Variants in BAIAP2 observed in about 807,000 individuals in gnomAD.
BAIAP2 encodes the protein BAR/IMD domain-containing adapter protein 2.
In BAIAP2, 18 loss-of-function variants were observed where a neutral mutation model predicts 63.0. The observed-to-expected ratio is 0.29, with a 90% CI of 0.20 to 0.42. BAIAP2 has a LOEUF of 0.42. Ranked by LOEUF, BAIAP2 falls within the 10% of genes least tolerant of loss-of-function variation. BAIAP2 has a pLI of 1.00. For missense variants in BAIAP2, 610 were observed against 734.3 expected (o/e 0.83, Z 1.96); for synonymous variants, 386 against 307.6 (o/e 1.25, Z -2.67).
intron 13 of BAIAP2, chr17:81,111,072 C>A: frequency 7.7e-7 from 1 of 1,304,596 alleles, no homozygotes; most frequent in Non-Finnish European, 1.1e-6. Flanking sequence ...ATGGCGGGGC[C>A]AGGGGTCCAC....
chr17:81,043,885 G>T (rs113843736), intron 1 of BAIAP2, among the ~76,000 whole-genome samples: 1 of 152,246 alleles, frequency 6.6e-6, no homozygotes, highest in Non-Finnish European at 1.5e-5. Flanking sequence ...CGTTCTCGCC[G>T]CGGGGTCTCT....
Position 81,035,152 on chromosome 17 carries a change from T to C in BAIAP2, c.-103T>C. 2.2e-6 allele frequency: 2 copies of C among 917,130 alleles called. No individual in the cohort carries two copies. The highest frequency in any genetic ancestry group is 4.6e-5 in the South Asian group (2 of 43,292). 56.8% of individuals were successfully genotyped at this position (917,130 alleles called of 1,614,324 possible). A position where few individuals can be genotyped will look rare whatever the true frequency, so the allele number is the denominator to read the frequency against. On this transcript the variant is annotated 5_prime_UTR_variant, in exon 1 of 14. Coordinates refer to ENST00000428708, the MANE Select transcript of BAIAP2 (RefSeq NM_001144888.2). ...GGCCGCCGCCGGACGCCGGGCTCTG[T>C]GGTTCGGGTCCGCTTTCGTCTCCGT...
intron 1 of BAIAP2, among the ~76,000 whole-genome samples, chr17:81,047,416 T>C (rs926168540): frequency 3.3e-4 from 50 of 152,236 alleles, no homozygotes; most frequent in African/African-American, 1.2e-3. Flanking sequence ...GCATCGACTC[T>C]TTCTCTGTTT....
chr17:81,040,404 C>T (rs1380542186), intron 1 of BAIAP2, among the ~76,000 whole-genome samples: 5 of 152,232 alleles, frequency 3.3e-5, no homozygotes, highest in Non-Finnish European at 7.3e-5. Flanking sequence ...TTCCACCTCC[C>T]CCGAGCGCTG....
rs768770966 is a variant in BAIAP2, at chr17:81,103,570, G to A, written c.711G>A (p.Pro237=). 2.8e-5 allele frequency: 45 copies of A among 1,602,144 alleles called. No individual in the cohort carries two copies. The highest frequency in any genetic ancestry group is 1.6e-4 in the Middle Eastern group (1 of 6,074). Residue 237 remains proline (P), a synonymous_variant, in exon 8 of 14, where the codon CCG becomes CCA. Transcript: ENST00000428708. ...QQACADPSKI[P]ERAVQLMQQV... is the part of the protein sequence containing the mutation. ...CCTGTGCCGACCCCAGCAAGATCCC[G>A]GAGCGCGCGGTGCAGCTCATGCAGC...
rs150093131 is a variant in BAIAP2 at position 81,061,665 on chromosome 17, C to G, written c.217+3698C>G. ...GGAGGTGCCACAGTTTGGCCGTACC[C>G]TCATCTGTTGATGGACACCTGGGTG... On this transcript the variant is annotated intron_variant, in intron 3 of 13. Coordinates refer to ENST00000428708, the MANE Select transcript of BAIAP2 (RefSeq NM_001144888.2). Among the ~76,000 whole-genome samples the G allele has an allele frequency of 4.3e-3, 655 of 152,312 alleles. 2 individuals carry two copies. The highest frequency in any genetic ancestry group is 6.8e-3 in the Middle Eastern group (2 of 294).
At chr17:81,110,845 C>T (rs1444653612) in intron 13 of BAIAP2, 6 of 1,597,082 alleles carry the variant, frequency 3.8e-6, no homozygotes, top group East Asian at 2.2e-5. Context: ...CCCGTGGTCC[C>T]CCCTCCTCTG....
intron 1 of BAIAP2, among the ~76,000 whole-genome samples, chr17:81,037,849 T>G (rs1196818285): frequency 6.6e-6 from 1 of 152,248 alleles, no homozygotes; most frequent in Non-Finnish European, 1.5e-5. Flanking sequence ...TTGGCCTTGG[T>G]GATTAAAAAT....
At position 81,082,376 on chromosome 17, in the gene BAIAP2, C is replaced by T. The variant is rs2054786741; in HGVS notation, c.218-2456C>T. On this transcript the variant is annotated intron_variant, in intron 3 of 13. Transcript: ENST00000428708. ...GTGCTGCTTTCCTCACGCTGAATCC[C>T]TCTTCACGGTGGCCAGGCCCAGGCA... 2.0e-5 allele frequency among the ~76,000 whole-genome samples: 3 copies of T among 152,338 alleles called. No homozygotes were observed. The South Asian group carries it at 6.2e-4, about 32-fold the overall frequency.
At chr17:81,048,821 C>T (rs1239617004) in intron 1 of BAIAP2, among the ~76,000 whole-genome samples, 6 of 152,158 alleles carry the variant, frequency 3.9e-5, no homozygotes, top group East Asian at 1.9e-4. Context: ...GGACATCCGT[C>T]TCTGTGGACG....
chr17:81,036,408 T>C (rs546071640), intron 1 of BAIAP2, among the ~76,000 whole-genome samples: 143 of 152,218 alleles, frequency 9.4e-4, no homozygotes, highest in Admixed American at 1.5e-3. Flanking sequence ...CCCGGCAGAG[T>C]AACTGTTTCT....
intron 7 of BAIAP2, among the ~76,000 whole-genome samples, chr17:81,103,179 C>T (rs1016575282): frequency 5.9e-5 from 9 of 152,192 alleles, no homozygotes; most frequent in South Asian, 2.1e-4. Flanking sequence ...GTTTGCCCAC[C>T]GGAGTTTGAC....
chr17:81,104,377 G>A lies in BAIAP2; in HGVS notation c.1067-137G>A, dbSNP rs2058874296. ...AGCCACTTGGGAGCAGGTAGCTGCT[G>A]CTGCGGAGAGCTTAGCCAGCCCACT... On this transcript the variant is annotated intron_variant, in intron 9 of 13. Transcript: ENST00000428708. 6.1e-6 allele frequency: 6 copies of A among 986,184 alleles called. No homozygotes were observed. In the Admixed American group the frequency reaches 1.4e-4, roughly 23 times the overall value. 61.1% of individuals were successfully genotyped at this position (986,184 alleles called of 1,614,324 possible). A position where few individuals can be genotyped will look rare whatever the true frequency, so the allele number is the denominator to read the frequency against.
intron 3 of BAIAP2, among the ~76,000 whole-genome samples, chr17:81,081,818 C>T (rs996151000): frequency 1.4e-4 from 21 of 152,192 alleles, no homozygotes; most frequent in African/African-American, 5.1e-4. Context: ...CCCTCCTGAC[C>T]GCAGTGCAGC....
chr17:81,069,737 G>A (rs1568110489), intron 3 of BAIAP2, among the ~76,000 whole-genome samples: 1 of 152,182 alleles, frequency 6.6e-6, no homozygotes, highest in Non-Finnish European at 1.5e-5. Context: ...GCTCAGTCTG[G>A]CCAGTACGTT....
Position 81,057,972 on chromosome 17 carries a change from G to GGGGGGGGGGGC in BAIAP2, c.217+5_217+6insGGGGGGGGGGC. 1.1e-6 allele frequency: 1 copy of GGGGGGGGGGGC among 911,328 alleles called. No individual in the cohort carries two copies. The highest frequency in any genetic ancestry group is 3.4e-5 in the Admixed American group (1 of 29,586). The allele number at this position is 911,328 out of a possible 1,614,324, so 56.5% of individuals were successfully genotyped here. On this transcript the variant is annotated splice_donor_region_variant and intron_variant, in intron 3 of 13. Transcript: ENST00000428708. Reference sequence around the variant, plus strand: ...GCCAGGGCTCCAAAGAACTCGGTGAGACCCCCCCCCCCCCCCCGCCTGGTA... The same window carrying GGGGGGGGGGGC: ...GCCAGGGCTCCAAAGAACTCGGTGAGGGGGGGGGGGCACCCCCCCCCCCCCCCCGCCTGGTA...
intron 3 of BAIAP2, among the ~76,000 whole-genome samples, chr17:81,062,426 G>A (rs913099102): frequency 2.0e-5 from 3 of 151,936 alleles, no homozygotes; most frequent in Non-Finnish European, 4.4e-5. Flanking sequence ...ATGGTCTCGC[G>A]TCTTGGTTCG....
chr17:81,112,568 G>A (rs1019905551), intron 13 of BAIAP2, among the ~76,000 whole-genome samples: 28 of 152,338 alleles, frequency 1.8e-4, no homozygotes, highest in African/African-American at 5.3e-4. Flanking sequence ...AGGCCCAAGC[G>A]CCCACGCTGG....
intron 13 of BAIAP2, chr17:81,110,272 T>C: frequency 1.0e-6 from 1 of 985,706 alleles, no homozygotes; most frequent in Non-Finnish European, 1.2e-6. Context: ...TAAGGAGAGC[T>C]CAAGGGCGGA....
Sources: allele counts gnomAD v4.1 joint callset (sites outside exome capture counted in the v4.1 genomes callset), GRCh38; gene constraint gnomAD v4.1.1; transcripts MANE v1.5; gene names NCBI Gene and HGNC (gene_info 2026-07-23, HGNC 2026-07-21).